The following ASCC3 variants were observed in gnomAD, a reference collection of about 807,000 sequenced individuals.
The protein encoded by ASCC3 is ASC-1 complex subunit P200.
In ASCC3, 158 loss-of-function variants were observed where a neutral mutation model predicts 256.3. The ratio of observed to expected loss-of-function variants is 0.62; its 90% CI spans 0.54 to 0.70. The LOEUF (loss-of-function observed/expected upper bound fraction) is 0.70. Among genes scored for constraint, ASCC3 ranks in the 30% least tolerant of loss-of-function variants. ASCC3 has a pLI of 0.00. For missense variants in ASCC3, 2,259 were observed against 2,626.0 expected (o/e 0.86, Z 3.05); for synonymous variants, 948 against 883.4 (o/e 1.07, Z -1.30).
intron 4 of ASCC3, among the ~76,000 whole-genome samples, chr6:100,834,409 TAGA>T (rs1213126329): frequency 1.3e-5 from 2 of 152,216 alleles, no homozygotes; most frequent in Non-Finnish European, 2.9e-5. Context: ...TGGGTTTAAT[TAGA>T]AGACCTTTAG....
At chr6:100,770,522 T>A (rs192435636) in intron 8 of ASCC3, among the ~76,000 whole-genome samples, 8 of 151,468 alleles carry the variant, frequency 5.3e-5, no homozygotes, top group African/African-American at 1.7e-4. Flanking sequence ...AGAAATAAAG[T>A]CATTAATATA....
rs574953559 is a variant in ASCC3 at position 100,539,510 on chromosome 6, T to C, written c.5775+653A>G. Among the ~76,000 whole-genome samples the C allele has an allele frequency of 7.4e-4, 113 of 152,046 alleles. 1 individual carries two copies. In the South Asian group the frequency reaches 7.7e-3, roughly 10 times the overall value. ...ATGTAAAAACTGCAATACTTCTCACTTTTTTTTATTGTTTTAACCATCTCT... is the reference window on the plus strand; with the variant it reads ...ATGTAAAAACTGCAATACTTCTCACCTTTTTTTATTGTTTTAACCATCTCT... On this transcript the variant is annotated intron_variant, in intron 37 of 41. Transcript: ENST00000369162.
intron 36 of ASCC3, among the ~76,000 whole-genome samples, chr6:100,571,009 C>T (rs1049083770): frequency 6.6e-6 from 1 of 152,280 alleles, no homozygotes; most frequent in Non-Finnish European, 1.5e-5. Flanking sequence ...CTAGAATGGT[C>T]TTTTTCACTA....
chr6:100,588,704 A>C, intron 36 of ASCC3, among the ~76,000 whole-genome samples: 1 of 152,178 alleles, frequency 6.6e-6, no homozygotes, highest in South Asian at 2.1e-4. Flanking sequence ...TATGCTGGGC[A>C]CAAAATTTAC....
At chr6:100,566,177 T>A (rs1770237534) in intron 36 of ASCC3, among the ~76,000 whole-genome samples, 1 of 152,222 alleles carries the variant, frequency 6.6e-6, no homozygotes, top group Admixed American at 6.5e-5. Flanking sequence ...CCCTTAAATA[T>A]GTATAATGCT....
chr6:100,661,209 C>A (rs959021672), intron 16 of ASCC3, among the ~76,000 whole-genome samples: 1 of 151,360 alleles, frequency 6.6e-6, no homozygotes, highest in Non-Finnish European at 1.5e-5. Context: ...AACAGTCAAA[C>A]CTGATTTTAA....
rs1436456915 is a variant in ASCC3 at position 100,723,172 on chromosome 6, A to AT, written c.1902+2366dup. Among the ~76,000 whole-genome samples, 16 of 151,668 alleles carry AT rather than the reference A, an allele frequency of 1.1e-4. No homozygotes were observed. In the South Asian group the frequency reaches 3.1e-3, roughly 29 times the overall value. ...AGCATCTTTTAAATATTTCTCAATA[A>AT]TTTTTTCTACTGTAAAATGTTCCTT... On this transcript the variant is annotated intron_variant, in intron 11 of 41. Transcript: ENST00000369162.
intron 10 of ASCC3, among the ~76,000 whole-genome samples, chr6:100,760,487 C>T (rs921779030): frequency 2.6e-5 from 4 of 152,116 alleles, no homozygotes; most frequent in Non-Finnish European, 4.4e-5. Context: ...CCAACTTGAT[C>T]GTTGTGGATA....
chr6:100,771,993 C>A (rs141971864), intron 8 of ASCC3, among the ~76,000 whole-genome samples: 2 of 151,086 alleles, frequency 1.3e-5, no homozygotes, highest in East Asian at 4.0e-4. Flanking sequence ...CATTCTCCTG[C>A]CTCAGCCTCC....
intron 30 of ASCC3, among the ~76,000 whole-genome samples, chr6:100,608,410 TAC>T (rs1433958023): frequency 1.4e-5 from 1 of 71,476 alleles, no homozygotes; most frequent in Non-Finnish European, 2.3e-5. Flanking sequence ...TATATATATA[TAC>T]CTTATATATA....
rs188570542 is a variant in ASCC3, at chr6:100,873,406, A to C, written c.-41-5368T>G. On this transcript the variant is annotated intron_variant, in intron 1 of 41. Transcript: ENST00000369162. ...TAAATTACCAAACCTAAGAATAGTCAGCGTTCCTGAGGAAGAAGAGAAATC... is the reference window on the plus strand; with the variant it reads ...TAAATTACCAAACCTAAGAATAGTCCGCGTTCCTGAGGAAGAAGAGAAATC... Among the ~76,000 whole-genome samples the C allele has an allele frequency of 2.0e-5, 3 of 152,268 alleles. No homozygotes were observed. In the South Asian group the frequency reaches 6.2e-4, roughly 32 times the overall value.
intron 33 of ASCC3, among the ~76,000 whole-genome samples, chr6:100,602,161 T>C (rs1389999591): frequency 6.6e-6 from 1 of 152,030 alleles, no homozygotes; most frequent in African/African-American, 2.4e-5. Context: ...AGTCTATAAA[T>C]CACTTAGTAT....
In ASCC3 at chr6:100,798,760, G is replaced by A; in HGVS notation, c.1348C>T (p.Pro450Ser). The A allele has an allele frequency of 2.5e-6, 4 of 1,613,006 alleles. No individual in the cohort carries two copies. Among genetic ancestry groups the A allele is most frequent in the Non-Finnish European group, 3.4e-6 (4 of 1,179,512 alleles). ...ACTGGCTTTTCCTCAAAGCTGAGTGGCATTGGTTCGCTGTAGGGAATCCTT... is the reference window on the plus strand; with the variant it reads ...ACTGGCTTTTCCTCAAAGCTGAGTGACATTGGTTCGCTGTAGGGAATCCTT... ...EVRIPYSEPM[P>S]LSFEEKPVYI... The change falls in exon 8 of 42, where the codon CCA becomes TCA. Residue 450 changes from proline to serine, a missense_variant. Transcript: ENST00000369162.
intron 36 of ASCC3, among the ~76,000 whole-genome samples, chr6:100,551,121 T>C (rs1322895964): frequency 1.3e-5 from 2 of 151,938 alleles, no homozygotes; most frequent in African/African-American, 2.4e-5. Context: ...CAAAAAACTA[T>C]ATGCACTTCA....
At chr6:100,712,171 A>G (rs891960963) in intron 13 of ASCC3, among the ~76,000 whole-genome samples, 2 of 152,212 alleles carry the variant, frequency 1.3e-5, no homozygotes, top group African/African-American at 2.4e-5. Flanking sequence ...GTCTTAGAAG[A>G]TAACATAACA....
intron 10 of ASCC3, among the ~76,000 whole-genome samples, chr6:100,736,686 T>G (rs1780184921): frequency 6.6e-6 from 1 of 152,192 alleles, no homozygotes; most frequent in Admixed American, 6.5e-5. Context: ...TGTCCAGCCC[T>G]TGGCCTAATG....
At chr6:100,605,446 C>T in intron 33 of ASCC3, 122 bp downstream of exon 33, 1 of 710,934 alleles carries the variant, frequency 1.4e-6, no homozygotes, top group Non-Finnish European at 2.3e-6. Context: ...TATATTGTTT[C>T]ACATTATATT....
At chr6:100,734,926 T>A (rs764314382) in intron 10 of ASCC3, among the ~76,000 whole-genome samples, 6 of 152,178 alleles carry the variant, frequency 3.9e-5, no homozygotes, top group Non-Finnish European at 8.8e-5. Flanking sequence ...TCTCTATTTC[T>A]GAGAACACAT....
intron 8 of ASCC3, among the ~76,000 whole-genome samples, chr6:100,785,720 C>T (rs1328410342): frequency 2.0e-5 from 3 of 152,260 alleles, no homozygotes; most frequent in Non-Finnish European, 2.9e-5. Context: ...CTCATTTACA[C>T]TGTATAAAAT....
Sources: gnomAD v4.1 joint callset for allele counts (sites outside exome capture counted in the v4.1 genomes callset) on GRCh38, gnomAD v4.1.1 for gene constraint, MANE v1.5 for transcripts, NCBI Gene and HGNC (gene_info 2026-07-23, HGNC 2026-07-21) for gene names.